ZSWIM5: variants seen among roughly 807,000 people sequenced by gnomAD.
ZSWIM5 encodes the protein zinc finger SWIM domain-containing protein 5.
A neutral mutation model predicts 119.6 loss-of-function variants in ZSWIM5; 55 were observed. That is an observed-to-expected ratio of 0.46 (90% confidence interval 0.37 to 0.58). The LOEUF (loss-of-function observed/expected upper bound fraction) is 0.58. Ranked by LOEUF, ZSWIM5 falls within the 20% of genes least tolerant of loss-of-function variation. The probability of loss-of-function intolerance (pLI) is 0.00; values close to 1 mark genes in which losing one functional copy is unlikely to be tolerated. For synonymous variants in ZSWIM5, 537 were observed against 606.9 expected (o/e 0.88, Z 1.69); for missense variants, 1,193 against 1,512.8 (o/e 0.79, Z 3.51).
intron 1 of ZSWIM5, among the ~76,000 whole-genome samples, chr1:45,172,559 A>G (rs1645952684): frequency 6.6e-6 from 1 of 152,166 alleles, no homozygotes; most frequent in Non-Finnish European, 1.5e-5. Context: ...GTTCTGCAGC[A>G]AACAAGCTAC....
At chr1:45,172,891 A>G (rs997376737) in intron 1 of ZSWIM5, among the ~76,000 whole-genome samples, 1 of 152,068 alleles carries the variant, frequency 6.6e-6, no homozygotes, top group African/African-American at 2.4e-5. Flanking sequence ...GCTGCTAGGC[A>G]TTGTGCTCAT....
At chr1:45,112,418 C>T (rs1256457126) in intron 1 of ZSWIM5, among the ~76,000 whole-genome samples, 1 of 152,128 alleles carries the variant, frequency 6.6e-6, no homozygotes, top group East Asian at 1.9e-4. Context: ...ATAGTAACTA[C>T]TTTATTTCAT....
At chr1:45,033,818 G>A (rs538219796) in intron 11 of ZSWIM5, among the ~76,000 whole-genome samples, 1 of 151,714 alleles carries the variant, frequency 6.6e-6, no homozygotes, top group East Asian at 1.9e-4. Context: ...TACATATTTG[G>A]TATCCTACAA....
At chr1:45,022,020 T>TTA (rs775194408) in intron 11 of ZSWIM5, among the ~76,000 whole-genome samples, 1 of 26,968 alleles carries the variant, frequency 3.7e-5, no homozygotes. Flanking sequence ...AGACTCCGTC[T>TTA]CAAAAAAAAA....
Position 45,036,258 on chromosome 1 carries a change from C to T in ZSWIM5, c.1936G>A (p.Val646Met). 6.2e-7 allele frequency: 1 copy of T among 1,613,986 alleles called. No homozygotes were observed. The highest frequency in any genetic ancestry group is 1.1e-5 in the South Asian group (1 of 91,064). Residue 646 changes from valine (V) to methionine (M), a missense_variant, in exon 9 of 14, where the codon GTG becomes ATG. Physicochemically the swap from Val to Met is conservative, Grantham distance 21. Transcript: ENST00000359600. ...CTGCTGTTTGGGGAGCCTGCAGCCA[C>T]AGGTACATGCTGGTACACAGGGGGT... ...SRPPVYQHVP[V>M]AAGSPNSSES...
intron 2 of ZSWIM5, among the ~76,000 whole-genome samples, chr1:45,079,280 A>G (rs1645274467): frequency 6.6e-6 from 1 of 152,088 alleles, no homozygotes; most frequent in Admixed American, 6.6e-5. Context: ...GCCCGCCTGC[A>G]CCCAGGTGAA....
intron 11 of ZSWIM5, among the ~76,000 whole-genome samples, chr1:45,024,896 C>G (rs567168219): frequency 7.4e-4 from 113 of 152,198 alleles, no homozygotes; most frequent in African/African-American, 2.6e-3. Context: ...CTCAGATGAT[C>G]TGCCCGCCTC....
At chr1:45,178,254 T>C (rs957716666) in intron 1 of ZSWIM5, among the ~76,000 whole-genome samples, 1 of 152,110 alleles carries the variant, frequency 6.6e-6, no homozygotes, top group East Asian at 1.9e-4. Flanking sequence ...GCTGAAACCC[T>C]GTCTTTGCAG....
chr1:45,070,079 T>C (rs1012524252), intron 2 of ZSWIM5: 3 of 917,668 alleles, frequency 3.3e-6, no homozygotes, highest in Admixed American at 3.4e-5. Context: ...GAAGAAGAAA[T>C]CTATTGAGTT....
chr1:45,074,171 C>G (rs1645242249), intron 2 of ZSWIM5, among the ~76,000 whole-genome samples: 1 of 151,884 alleles, frequency 6.6e-6, no homozygotes, highest in Non-Finnish European at 1.5e-5. Context: ...GAATATTCAT[C>G]AGAGATATTG....
At chr1:45,194,653 G>A (rs992347436) in intron 1 of ZSWIM5, among the ~76,000 whole-genome samples, 5 of 152,060 alleles carry the variant, frequency 3.3e-5, no homozygotes, top group African/African-American at 7.2e-5. Flanking sequence ...CGAGGTGGGC[G>A]GATCACGAGG....
At position 45,053,127 on chromosome 1, in the gene ZSWIM5, C is replaced by CA. The variant is rs60199581; in HGVS notation, c.1253-1875dup. Among the ~76,000 whole-genome samples the CA allele has an allele frequency of 5.6e-3, 690 of 122,160 alleles. 6 individuals are homozygous for CA. Among genetic ancestry groups the CA allele is most frequent in the African/African-American group, 0.02 (656 of 32,216 alleles). The allele number at this position is 122,160 out of a possible 152,430, so 80.1% of individuals were successfully genotyped here. A position where few individuals can be genotyped will look rare whatever the true frequency, so the allele number is the denominator to read the frequency against. ...AACAAGAGTGAAACTCCGTCTCAAA[C>CA]AAAAAAAAAAAAAAAAAGAAAAAAG... On this transcript the variant is annotated intron_variant, in intron 4 of 13. Coordinates refer to ENST00000359600, the MANE Select transcript of ZSWIM5 (RefSeq NM_020883.2).
At chr1:45,101,496 A>C (rs530541929) in intron 1 of ZSWIM5, among the ~76,000 whole-genome samples, 1 of 152,304 alleles carries the variant, frequency 6.6e-6, no homozygotes, top group South Asian at 2.1e-4. Context: ...TTCCTCAAGG[A>C]TGTAGAACTA....
intron 1 of ZSWIM5, among the ~76,000 whole-genome samples, chr1:45,144,734 A>G (rs1036117489): frequency 6.6e-6 from 1 of 152,210 alleles, no homozygotes; most frequent in South Asian, 2.1e-4. Flanking sequence ...ACACAGCAGG[A>G]TATCTTTGTG....
In ZSWIM5 at chr1:45,057,396, C is replaced by A. The variant is rs1005336697; in HGVS notation, c.1252+1213G>T. Among the ~76,000 whole-genome samples, 1 of 152,204 alleles carries A rather than the reference C, an allele frequency of 6.6e-6. No individual in the cohort carries two copies. On this transcript the variant is annotated intron_variant, in intron 4 of 13. Transcript: ENST00000359600. This position sits in a 1 kb window ranked among gnomAD's most constrained non-coding sequence, Gnocchi z 4.7. ...GAACCCAAGTATATAACAAGAGTTTCAAAAGCACCAGGAGCCATCTCTACT... is the reference window on the plus strand; with the variant it reads ...GAACCCAAGTATATAACAAGAGTTTAAAAAGCACCAGGAGCCATCTCTACT...
At chr1:45,051,688 A>T (rs1297704389) in intron 4 of ZSWIM5, among the ~76,000 whole-genome samples, 1 of 152,250 alleles carries the variant, frequency 6.6e-6, no homozygotes, top group Non-Finnish European at 1.5e-5. Context: ...GTATGAAAGC[A>T]GCATAGAGGA....
chr1:45,019,323 G>A lies in ZSWIM5; in HGVS notation c.2696-7C>T. 6.2e-7 allele frequency: 1 copy of A among 1,604,018 alleles called. No homozygotes were observed. The highest frequency in any genetic ancestry group is 8.5e-7 in the Non-Finnish European group (1 of 1,176,666). ...CTCACCAGGGCCCGCACACCTGTCAGGGGGAGCCTGAGCTCAGCCGTGGCC... is the reference window on the plus strand; with the variant it reads ...CTCACCAGGGCCCGCACACCTGTCAAGGGGAGCCTGAGCTCAGCCGTGGCC... On this transcript the variant is annotated splice_polypyrimidine_tract_variant and splice_region_variant and intron_variant, in intron 13 of 13. Coordinates refer to ENST00000359600, the MANE Select transcript of ZSWIM5 (RefSeq NM_020883.2). This position sits in a 1 kb window ranked among gnomAD's most constrained non-coding sequence, Gnocchi z 5.0.
intron 1 of ZSWIM5, among the ~76,000 whole-genome samples, chr1:45,192,757 C>T (rs1373798462): frequency 6.6e-6 from 1 of 152,138 alleles, no homozygotes; most frequent in Non-Finnish European, 1.5e-5. Flanking sequence ...AAAAGCTACA[C>T]CATTTTATAT....
At chr1:45,075,201 G>A (rs531881123) in intron 2 of ZSWIM5, among the ~76,000 whole-genome samples, 1 of 152,098 alleles carries the variant, frequency 6.6e-6, no homozygotes, top group Admixed American at 6.5e-5. Flanking sequence ...TGGCTGAAAT[G>A]TTCGTAAATA....
Sources: gnomAD v4.1 joint callset for allele counts (sites outside exome capture counted in the v4.1 genomes callset) on GRCh38, gnomAD v4.1.1 for gene constraint, Gnocchi (gnomAD v3.1) non-coding constraint, MANE v1.5 for transcripts, NCBI Gene and HGNC (gene_info 2026-07-23, HGNC 2026-07-21) for gene names.